The following CPAMD8 variants were observed in gnomAD, a reference collection of about 807,000 sequenced individuals.
The protein encoded by CPAMD8 is C3 and PZP-like alpha-2-macroglobulin domain-containing protein 8.
CPAMD8 carries 146 observed loss-of-function variants against 224.7 expected under a neutral mutation model. The observed-to-expected ratio is 0.65, with a 90% CI of 0.57 to 0.75. CPAMD8 has a LOEUF of 0.75. Ranked by LOEUF, CPAMD8 falls within the 30% of genes least tolerant of loss-of-function variation. The pLI is 0.00. For synonymous variants in CPAMD8, 966 were observed against 1,044.6 expected, an observed-to-expected ratio of 0.92 and a Z score of 1.45; for missense variants, 2,301 against 2,537.5, an observed-to-expected ratio of 0.91 and a Z score of 2.00.
rs1275113118 is a variant in CPAMD8, at chr19:16,959,644, A to G, written c.2214-1729T>C. On this transcript the variant is annotated intron_variant, in intron 18 of 41. Transcript: ENST00000443236. ...CAGCCTCCGCCTCCCAGGTTCGAGC[A>G]ATTCTCCTGCCTCAGCCTCCTGAGT... 4.0e-5 allele frequency among the ~76,000 whole-genome samples: 6 copies of G among 151,472 alleles called. No homozygotes were observed. The East Asian group carries it at 1.2e-3, about 30-fold the overall frequency.
At position 16,923,014 on chromosome 19, in the gene CPAMD8, TC is replaced by T. The variant is rs1361820346; in HGVS notation, c.3548-1029del. The stretch of plus-strand genomic sequence containing the variant: ...CACCATCTTGGGGCAGCGCCCTCTG[TC>T]CCCCACAGCCCTCTGTCCCCAGGCG... On this transcript the variant is annotated intron_variant, in intron 26 of 41. Coordinates refer to ENST00000443236, the MANE Select transcript of CPAMD8 (RefSeq NM_015692.5). Among the ~76,000 whole-genome samples the T allele has an allele frequency of 2.6e-5, 4 of 152,268 alleles. No homozygotes were observed. In the East Asian group the frequency reaches 7.7e-4, roughly 29 times the overall value.
At chr19:16,921,318 C>A (rs747898865) in intron 27 of CPAMD8, among the ~76,000 whole-genome samples, 67 of 152,032 alleles carry the variant, frequency 4.4e-4, no homozygotes, top group Admixed American at 1.9e-3. Context: ...AGGAGTCCGG[C>A]GATGGGTACA....
chr19:16,961,659 C>T (rs2054661074), intron 18 of CPAMD8, among the ~76,000 whole-genome samples: 1 of 152,228 alleles, frequency 6.6e-6, no homozygotes, highest in African/African-American at 2.4e-5. Flanking sequence ...CTGAAGACAG[C>T]AGTCATTCTC....
intron 5 of CPAMD8, among the ~76,000 whole-genome samples, chr19:17,010,718 C>T (rs531690232): frequency 3.4e-4 from 52 of 152,076 alleles, no homozygotes; most frequent in Admixed American, 2.9e-3. Context: ...AGAGAGAGCG[C>T]TAGAAAGAAA....
chr19:16,943,011 CT>C (rs770885168), intron 22 of CPAMD8, among the ~76,000 whole-genome samples: 167 of 79,324 alleles, frequency 2.1e-3, no homozygotes, highest in Non-Finnish European at 2.3e-3. Flanking sequence ...TTTCTTTTTT[CT>C]TTTTTTTTTT....
chr19:16,938,378 G>T lies in CPAMD8; in HGVS notation c.2845+17C>A, dbSNP rs1311543256. On this transcript the variant is annotated intron_variant, in intron 23 of 41. Coordinates refer to ENST00000443236, the MANE Select transcript of CPAMD8 (RefSeq NM_015692.5). ...CCAGGTGGCCACACCTTAGCAGAATGGGCACGGGGGACTCACCACTGGGAC... is the reference window on the plus strand; with the variant it reads ...CCAGGTGGCCACACCTTAGCAGAATTGGCACGGGGGACTCACCACTGGGAC... 1 of 1,504,152 alleles carries T rather than the reference G, an allele frequency of 6.6e-7. No individual in the cohort carries two copies. Among genetic ancestry groups the T allele is most frequent in the Non-Finnish European group, 9.0e-7 (1 of 1,116,704 alleles). The allele number at this position is 1,504,152 out of a possible 1,614,324, so 93.2% of individuals were successfully genotyped here.
At position 17,002,356 on chromosome 19, in the gene CPAMD8, G is replaced by C; in HGVS notation, c.674-6C>G. ...AAGCTCAAACTTGGGCAACACTGAAGAAAGCAAGCAGAGAGGAGGGGCTGG... is the reference window on the plus strand; with the variant it reads ...AAGCTCAAACTTGGGCAACACTGAACAAAGCAAGCAGAGAGGAGGGGCTGG... On this transcript the variant is annotated splice_polypyrimidine_tract_variant and splice_region_variant and intron_variant, in intron 8 of 41. Coordinates refer to ENST00000443236, the MANE Select transcript of CPAMD8 (RefSeq NM_015692.5). 6.3e-7 allele frequency: 1 copy of C among 1,599,812 alleles called. No individual in the cohort carries two copies. Among genetic ancestry groups the C allele is most frequent in the Non-Finnish European group, 8.5e-7 (1 of 1,170,694 alleles).
rs190826031 is a variant in CPAMD8, at chr19:16,975,155, C to T, written c.2012G>A (p.Arg671His). The T allele has an allele frequency of 5.5e-5, 88 of 1,612,658 alleles. No homozygotes were observed. Among genetic ancestry groups the T allele is most frequent in the East Asian group, 3.3e-4 (15 of 44,850 alleles). Residue 671 changes from arginine to histidine, a missense_variant, in exon 17 of 42, where the codon CGC becomes CAC. This residue lies in a region of CPAMD8 where 1,709 missense variants were observed against 1,753.2 expected (regional missense o/e 0.97). Coordinates refer to ENST00000443236, the MANE Select transcript of CPAMD8 (RefSeq NM_015692.5). ...WAGLTAQRRR[R>H]SSVFPWPWGI... Reference sequence around the variant, plus strand: ...CCAAGGCCACGGGAAGACAGAGGAGCGCCGGCGTCGTTGTGCCGTCAGCCC... The same window carrying T: ...CCAAGGCCACGGGAAGACAGAGGAGTGCCGGCGTCGTTGTGCCGTCAGCCC...
chr19:16,952,312 G>A, intron 19 of CPAMD8, 112 bp from the exon 20 acceptor site: 1 of 668,916 alleles, frequency 1.5e-6, no homozygotes, highest in Non-Finnish European at 2.6e-6. Flanking sequence ...CACCCTAGGA[G>A]CTTAGAAACA....
intron 23 of CPAMD8, among the ~76,000 whole-genome samples, chr19:16,932,107 AT>A (rs1170417621): frequency 2.0e-5 from 3 of 152,102 alleles, no homozygotes; most frequent in African/African-American, 4.8e-5. Context: ...AAAAAAAAAA[AT>A]GTATGTAATT....
At chr19:17,020,695 G>A (rs977869657) in intron 2 of CPAMD8, among the ~76,000 whole-genome samples, 2 of 152,186 alleles carry the variant, frequency 1.3e-5, no homozygotes, top group African/African-American at 2.4e-5. Context: ...GAGGAACAAG[G>A]AGAAGGGTGG....
rs2052349842 is a variant in CPAMD8 at position 16,903,629 on chromosome 19, GACAGAAGTCACCGTGAGGC to G, written c.4408-25_4408-7del. On this transcript the variant is annotated splice_polypyrimidine_tract_variant and splice_region_variant and intron_variant, in intron 33 of 41. Transcript: ENST00000443236. ...CCCGTGGGGAGGCTGGGGATCTGGA[GACAGAAGTCACCGTGAGGC>G]CCTGCTGACCCCTCCTCCAACAACC... The G allele has an allele frequency of 1.9e-6, 3 of 1,614,106 alleles. No individual in the cohort carries two copies. The highest frequency in any genetic ancestry group is 2.5e-6 in the Non-Finnish European group (3 of 1,180,014).
chr19:16,974,914 G>A (rs1275401134), intron 17 of CPAMD8, among the ~76,000 whole-genome samples, 183 bp downstream of exon 17: 1 of 152,116 alleles, frequency 6.6e-6, no homozygotes, highest in East Asian at 1.9e-4. Flanking sequence ...GTTTGAGGCT[G>A]CAGTGAGCTA....
intron 19 of CPAMD8, among the ~76,000 whole-genome samples, chr19:16,955,355 T>C (rs542507565): frequency 1.3e-4 from 19 of 150,730 alleles, no homozygotes; most frequent in African/African-American, 3.6e-4. Context: ...AAGATGAACC[T>C]TGGGGACATG....
rs55931208 is a variant in CPAMD8 at position 16,979,604 on chromosome 19, G to GTCCATCCA, written c.1585+885_1585+892dup. Among the ~76,000 whole-genome samples, 754 of 149,434 alleles carry GTCCATCCA rather than the reference G, an allele frequency of 5.0e-3. 4 individuals are homozygous for GTCCATCCA. The highest frequency in any genetic ancestry group is 0.017 in the African/African-American group (696 of 40,624). On this transcript the variant is annotated intron_variant, in intron 14 of 41. Coordinates refer to ENST00000443236, the MANE Select transcript of CPAMD8 (RefSeq NM_015692.5). ...CTTCCATCTATCCACTGTTCTATCA[G>GTCCATCCA]TCCATCCATCCATCCATCCATTCAT...
chr19:16,901,568 C>T (rs2052259359), intron 35 of CPAMD8, among the ~76,000 whole-genome samples: 1 of 152,220 alleles, frequency 6.6e-6, no homozygotes, highest in Non-Finnish European at 1.5e-5. Flanking sequence ...CTGTCCTGGA[C>T]TTCACTCTGT....
At position 16,928,200 on chromosome 19, in the gene CPAMD8, A is replaced by T; in HGVS notation, c.3179T>A (p.Val1060Asp). ...CCTCGGGAGGGTCCAGGCCACAATG[A>T]CAGACTCATTGGATGGCTCTGGACC... ...GHGPEPSNESVIVAWTLPRPP... is the reference protein window; with the variant it reads ...GHGPEPSNESDIVAWTLPRPP... The change falls in exon 25 of 42, where the codon GTC becomes GAC. Residue 1060 changes from valine (V) to aspartate (D), a missense_variant. This residue lies in a region of CPAMD8 where 1,709 missense variants were observed against 1,753.2 expected (regional missense o/e 0.97). Coordinates refer to ENST00000443236, the MANE Select transcript of CPAMD8 (RefSeq NM_015692.5). 1 of 1,614,082 alleles carries T rather than the reference A, an allele frequency of 6.2e-7. No individual in the cohort carries two copies. The highest frequency in any genetic ancestry group is 1.7e-5 in the Admixed American group (1 of 60,028).
chr19:16,957,267 C>T (rs1413397977), intron 19 of CPAMD8, among the ~76,000 whole-genome samples: 1 of 152,216 alleles, frequency 6.6e-6, no homozygotes, highest in African/African-American at 2.4e-5. Context: ...CACCTGCTGG[C>T]CCGGGCTGGA....
intron 13 of CPAMD8, among the ~76,000 whole-genome samples, chr19:16,980,978 G>A (rs947376391): frequency 2.0e-5 from 3 of 146,678 alleles, no homozygotes; most frequent in East Asian, 1.9e-4. Context: ...TATTACAGGC[G>A]CCCGCCACCA....
Sources: allele counts gnomAD v4.1 joint callset (sites outside exome capture counted in the v4.1 genomes callset), GRCh38; gene constraint gnomAD v4.1.1; regional missense constraint gnomAD v4.1.1; transcripts MANE v1.5; gene names NCBI Gene and HGNC (gene_info 2026-07-23, HGNC 2026-07-21).